PSKH2: variants seen among roughly 807,000 people sequenced by gnomAD.
PSKH2 encodes the protein serine/threonine-protein kinase H2.
In PSKH2, 16 loss-of-function variants were observed where a neutral mutation model predicts 22.5. The ratio of observed to expected loss-of-function variants is 0.71; its 90% confidence interval spans 0.48 to 1.08. PSKH2 has a LOEUF of 1.08. Ranked by LOEUF, PSKH2 falls within the 50% of genes least tolerant of loss-of-function variation. PSKH2 has a pLI of 0.00. For missense variants in PSKH2, 516 were observed against 492.8 expected, an observed-to-expected ratio of 1.05 and a Z score of -0.44; for synonymous variants, 188 against 184.8, an observed-to-expected ratio of 1.02 and a Z score of -0.14.
At chr8:86,059,429 G>T (rs1817747155) in intron 2 of PSKH2, among the ~76,000 whole-genome samples, 1 of 152,196 alleles carries the variant, frequency 6.6e-6, no homozygotes, top group Non-Finnish European at 1.5e-5. Flanking sequence ...CACCAGAGCT[G>T]TGTTCCTTCC....
intron 1 of PSKH2, among the ~76,000 whole-genome samples, chr8:86,068,456 G>T (rs998836560): frequency 2.6e-5 from 4 of 152,204 alleles, no homozygotes; most frequent in African/African-American, 9.7e-5. Context: ...TGTACTTCAT[G>T]AAAACAATAA....
rs1363102902 is a variant in PSKH2, at chr8:86,049,747, A to AAAGGAAAGAAAGAAAGAAAGG, written c.853-981_853-980insCCTTTCTTTCTTTCTTTCCTT. 1.2e-3 allele frequency among the ~76,000 whole-genome samples: 14 copies of AAAGGAAAGAAAGAAAGAAAGG among 11,452 alleles called. No individual in the cohort carries two copies. In the South Asian group the frequency reaches 0.038, roughly 31 times the overall value. 7.5% of individuals were successfully genotyped at this position (11,452 alleles called of 152,430 possible). A position where few individuals can be genotyped will look rare whatever the true frequency, so the allele number is the denominator to read the frequency against. On this transcript the variant is annotated intron_variant, in intron 2 of 2. Coordinates refer to ENST00000276616, the MANE Select transcript of PSKH2 (RefSeq NM_033126.3). The stretch of plus-strand genomic sequence containing the variant: ...GAAAGAAAGAAAGAAAGAAAGAAAG[A>AAAGGAAAGAAAGAAAGAAAGG]AACGAAAGAAAGAAAGAAAGAGAAA...
chr8:86,069,614 G>A lies in PSKH2; in HGVS notation c.9C>T (p.Cys3=). The change falls in exon 1 of 3, where the codon TGC becomes TGT. Residue 3 remains cysteine (C), a synonymous_variant. Coordinates refer to ENST00000276616, the MANE Select transcript of PSKH2 (RefSeq NM_033126.3). MG[C]GASRKVVPGP... ...CCGGGACCACCTTCCTGCTGGCGCC[G>A]CACCCCATACCCGCAACACGCCCGC... 1 of 1,584,622 alleles carries A rather than the reference G, an allele frequency of 6.3e-7. No homozygotes were observed. Among genetic ancestry groups the A allele is most frequent in the South Asian group, 1.1e-5 (1 of 88,042 alleles).
intron 2 of PSKH2, among the ~76,000 whole-genome samples, chr8:86,055,790 A>G (rs1417851948): frequency 6.6e-6 from 1 of 152,238 alleles, no homozygotes; most frequent in Non-Finnish European, 1.5e-5. Flanking sequence ...AAAAGGAGAC[A>G]TAACAAAATT....
At chr8:86,052,121 T>G (rs1410607958) in intron 2 of PSKH2, among the ~76,000 whole-genome samples, 1 of 152,218 alleles carries the variant, frequency 6.6e-6, no homozygotes, top group South Asian at 2.1e-4. Context: ...AAATGTTTAA[T>G]AGTGCTATAT....
chr8:86,064,859 A>G (rs1432879188), intron 1 of PSKH2, among the ~76,000 whole-genome samples: 3 of 152,334 alleles, frequency 2.0e-5, no homozygotes, highest in East Asian at 3.9e-4. Flanking sequence ...TCTTAATACA[A>G]TAACTACCAT....
At position 86,064,771 on chromosome 8, in the gene PSKH2, A is replaced by AT. The variant is rs149766450; in HGVS notation, c.186-141dup. 4.4e-3 allele frequency: 3,248 copies of AT among 744,820 alleles called. 67 individuals carry two copies. The African/African-American group carries it at 0.05, about 12-fold the overall frequency. The allele number at this position is 744,820 out of a possible 1,614,324, so 46.1% of individuals were successfully genotyped here. ...TTGTTTATTATTACTTGTGTTTATT[A>AT]TTTTTTGAAAGGTACCCCAAATCCT... On this transcript the variant is annotated intron_variant, in intron 1 of 2. Transcript: ENST00000276616.
At chr8:86,066,218 G>A (rs532768634) in intron 1 of PSKH2, among the ~76,000 whole-genome samples, 115 of 69,234 alleles carry the variant, frequency 1.7e-3, no homozygotes, top group East Asian at 3.7e-3. Flanking sequence ...TTTTTTTTTT[G>A]AGATGGAGTT....
Position 86,069,636 on chromosome 8 carries a change from C to T in PSKH2, c.-14G>A. On this transcript the variant is annotated 5_prime_UTR_variant, in exon 1 of 3. Transcript: ENST00000276616. ...GCCGCACCCCATACCCGCAACACGC[C>T]CGCCGCTCGCGGGACCTGGGGACTC... The T allele has an allele frequency of 2.6e-6, 4 of 1,530,768 alleles. No homozygotes were observed. Among genetic ancestry groups the T allele is most frequent in the South Asian group, 2.5e-5 (2 of 81,356 alleles). 94.8% of individuals were successfully genotyped at this position (1,530,768 alleles called of 1,614,324 possible). A position where few individuals can be genotyped will look rare whatever the true frequency, so the allele number is the denominator to read the frequency against.
At chr8:86,062,230 AT>A (rs750123753) in intron 2 of PSKH2, among the ~76,000 whole-genome samples, 1 of 152,344 alleles carries the variant, frequency 6.6e-6, no homozygotes, top group East Asian at 1.9e-4. Context: ...ATTGGGGACT[AT>A]CATACTCTAT....
chr8:86,064,891 C>T (rs1817837073), intron 1 of PSKH2, among the ~76,000 whole-genome samples: 1 of 151,988 alleles, frequency 6.6e-6, no homozygotes, highest in South Asian at 2.1e-4. Context: ...TTATTATATG[C>T]CAACAATTTT....
chr8:86,060,247 C>T (rs562997371), intron 2 of PSKH2, among the ~76,000 whole-genome samples: 3 of 152,222 alleles, frequency 2.0e-5, no homozygotes, highest in African/African-American at 7.2e-5. Flanking sequence ...TTTGGCTCTT[C>T]TTTAAGTCTC....
rs766398196 is a variant in PSKH2, at chr8:86,069,655, G to A, written c.-33C>T. 1 of 1,495,942 alleles carries A rather than the reference G, an allele frequency of 6.7e-7. No individual in the cohort carries two copies. Among genetic ancestry groups the A allele is most frequent in the South Asian group, 1.3e-5 (1 of 76,642 alleles). 92.7% of individuals were successfully genotyped at this position (1,495,942 alleles called of 1,614,324 possible). A position where few individuals can be genotyped will look rare whatever the true frequency, so the allele number is the denominator to read the frequency against. On this transcript the variant is annotated 5_prime_UTR_variant, in exon 1 of 3. Transcript: ENST00000276616. ...ACACGCCCGCCGCTCGCGGGACCTG[G>A]GGACTCGGGAAGCAGCCAGCCCCGT... is the stretch of plus-strand genomic sequence containing the variant.
rs776707071 is a variant in PSKH2, at chr8:86,064,425, T to G, written c.392A>C (p.Asp131Ala). The G allele has an allele frequency of 6.2e-7, 1 of 1,614,128 alleles. No homozygotes were observed. Among genetic ancestry groups the G allele is most frequent in the Non-Finnish European group, 8.5e-7 (1 of 1,180,022 alleles). The change falls in exon 2 of 3, where the codon GAT becomes GCT. Residue 131 changes from aspartate to alanine, a missense_variant. Transcript: ENST00000276616. ...VQLMEIFETE[D>A]QVYMVMELAT... ...CAGCTCCATTACCATGTAAACTTGA[T>G]CCTCAGTCTCAAAGATCTCCATGAG...
At chr8:86,069,292 G>T (rs1005319179) in intron 1 of PSKH2, 146 bp downstream of exon 1, 2 of 651,204 alleles carry the variant, frequency 3.1e-6, no homozygotes, top group African/African-American at 1.9e-5. Context: ...TCTCAAAAGG[G>T]CAGAGAAAGG....
intron 2 of PSKH2, among the ~76,000 whole-genome samples, chr8:86,063,542 C>T (rs1481963132): frequency 6.6e-6 from 1 of 152,222 alleles, no homozygotes; most frequent in Non-Finnish European, 1.5e-5. Context: ...AAATCTCTCG[C>T]TAAACACCCA....
At chr8:86,063,651 C>T (rs1486817596) in intron 2 of PSKH2, among the ~76,000 whole-genome samples, 2 of 152,346 alleles carry the variant, frequency 1.3e-5, no homozygotes, top group South Asian at 2.1e-4. Flanking sequence ...CATTTATCTA[C>T]TTGATTGTCA....
At chr8:86,057,865 A>G (rs1817724311) in intron 2 of PSKH2, among the ~76,000 whole-genome samples, 1 of 152,108 alleles carries the variant, frequency 6.6e-6, no homozygotes, top group South Asian at 2.1e-4. Flanking sequence ...ATTTTCTTCC[A>G]TTGCCCCTGT....
rs1817540721 is a variant in PSKH2, at chr8:86,047,242, T to G, written c.*1220A>C. 6.6e-6 allele frequency among the ~76,000 whole-genome samples: 1 copy of G among 152,192 alleles called. No individual in the cohort carries two copies. The highest frequency in any genetic ancestry group is 2.4e-5 in the African/African-American group (1 of 41,464). On this transcript the variant is annotated 3_prime_UTR_variant, in exon 3 of 3. Transcript: ENST00000276616. ...AAATATTTGCCCATTTTTCTATTATTTATCTAATGAATTTGTAAGTGTCTT... is the reference window on the plus strand; with the variant it reads ...AAATATTTGCCCATTTTTCTATTATGTATCTAATGAATTTGTAAGTGTCTT...
Sources: gnomAD v4.1 joint callset for allele counts (sites outside exome capture counted in the v4.1 genomes callset) on GRCh38, gnomAD v4.1.1 for gene constraint, MANE v1.5 for transcripts, NCBI Gene and HGNC (gene_info 2026-07-23, HGNC 2026-07-21) for gene names.